Variants in FURIN observed in about 807,000 individuals in gnomAD.
FURIN encodes the protein furin, paired basic amino acid cleaving enzyme.
In FURIN, 18 loss-of-function variants were observed where a neutral mutation model predicts 89.2. The observed-to-expected ratio is 0.20, with a 90% confidence interval of 0.14 to 0.30. The LOEUF (loss-of-function observed/expected upper bound fraction) is 0.30. Ranked by LOEUF, FURIN falls within the 10% of genes least tolerant of loss-of-function variation. The pLI, the probability that FURIN is intolerant of heterozygous loss-of-function variation, is 1.00. For missense variants in FURIN, 879 were observed against 1,100.5 expected (o/e 0.80, Z 2.85); for synonymous variants, 508 against 466.4 (o/e 1.09, Z -1.15).
intron 13 of FURIN, 31 bp from the exon 14 acceptor site, chr15:90,880,660 G>T: frequency 6.3e-7 from 1 of 1,590,476 alleles, no homozygotes; most frequent in Non-Finnish European, 8.6e-7. Context: ...TCCCGCAGAG[G>T]CCTCAGGGCT....
Position 90,881,696 on chromosome 15 carries a change from G to A in FURIN, c.2203G>A (p.Val735Ile), listed in dbSNP as rs138586339. The A allele has an allele frequency of 3.0e-5, 47 of 1,590,632 alleles. No homozygotes were observed. Among genetic ancestry groups the A allele is most frequent in the Non-Finnish European group, 3.6e-5 (42 of 1,166,976 alleles). Residue 735 changes from valine (V) to isoleucine (I), a missense_variant, in exon 16 of 16, where the codon GTC becomes ATC. Coordinates refer to ENST00000268171, the MANE Select transcript of FURIN (RefSeq NM_002569.4). This position sits in a 1 kb window ranked among gnomAD's most constrained non-coding sequence, Gnocchi z 4.3. ...GCTGGTCTTCGTCACTGTCTTCCTG[G>A]TCCTGCAGCTGCGCTCTGGCTTTAG... is the stretch of plus-strand genomic sequence containing the variant. ...IVLVFVTVFL[V>I]LQLRSGFSFR...
chr15:90,881,627 C>A lies in FURIN; in HGVS notation c.2134C>A (p.His712Asn), dbSNP rs760368022. 6.3e-7 allele frequency: 1 copy of A among 1,596,314 alleles called. No homozygotes were observed. The change falls in exon 16 of 16, where the codon CAC becomes AAC. Residue 712 changes from histidine (H) to asparagine (N), a missense_variant. Physicochemically the swap from His to Asn is moderately conservative, Grantham distance 68. This residue lies in a region of FURIN where 457 missense variants were observed against 490.7 expected (regional missense o/e 0.93). Transcript: ENST00000268171. The surrounding 1 kb of genome is among the most constrained non-coding windows in gnomAD (Gnocchi z 4.3). ...GCTGCGGGCAGGGCTGCTGCCCTCA[C>A]ACCTGCCTGAGGTGGTGGCCGGCCT... The part of the protein sequence containing the change: ...QRLRAGLLPS[H>N]LPEVVAGLSC...
In FURIN at chr15:90,881,981, A is replaced by G; in HGVS notation, c.*103A>G. ...GGACTGGGTTTGGACCCCAGCTGGG[A>G]GGCAAGAGGGGTGGAGACTGCTTCC... On this transcript the variant is annotated 3_prime_UTR_variant, in exon 16 of 16. Transcript: ENST00000268171. The surrounding 1 kb of genome is among the most constrained non-coding windows in gnomAD (Gnocchi z 4.3). The G allele has an allele frequency of 1.2e-6, 1 of 847,976 alleles. No homozygotes were observed. Among genetic ancestry groups the G allele is most frequent in the Non-Finnish European group, 1.9e-6 (1 of 537,968 alleles). 52.5% of individuals were successfully genotyped at this position (847,976 alleles called of 1,614,324 possible). A position where few individuals can be genotyped will look rare whatever the true frequency, so the allele number is the denominator to read the frequency against.
chr15:90,879,639 T>G (rs774400645), intron 10 of FURIN, 32 bp from the exon 11 acceptor site: 1 of 1,594,856 alleles, frequency 6.3e-7, no homozygotes, highest in South Asian at 1.1e-5. Context: ...CAAAAAAGAC[T>G]GATCCCCAGC....
In FURIN at chr15:90,876,326, G is replaced by A. The variant is rs758873281; in HGVS notation, c.249G>A (p.Arg83=). The change falls in exon 3 of 16, where the codon CGG becomes CGA. Residue 83 remains arginine, a synonymous_variant. Transcript: ENST00000268171. This position sits in a 1 kb window ranked among gnomAD's most constrained non-coding sequence, Gnocchi z 5.0. ...GGTCCCTGTCGCCTCACCGCCCGCG[G>A]CACAGCCGGCTGCAGAGGGAGCCTC... ...TKRSLSPHRP[R]HSRLQREPQV... is the part of the protein sequence containing the mutation. 1 of 1,611,852 alleles carries A rather than the reference G, an allele frequency of 6.2e-7. No homozygotes were observed. The highest frequency in any genetic ancestry group is 8.5e-7 in the Non-Finnish European group (1 of 1,178,304).
rs2031921549 is a variant in FURIN, at chr15:90,880,830, TGAG to T, written c.1681+17_1681+19del. ...CAACAACTATGGTACTGGGGGCACT[TGAG>T]GGGTAGGGGTACGAGGTGGAGGGCT... On this transcript the variant is annotated intron_variant, in intron 14 of 15. Coordinates refer to ENST00000268171, the MANE Select transcript of FURIN (RefSeq NM_002569.4). 1.9e-6 allele frequency: 3 copies of T among 1,612,162 alleles called. No homozygotes were observed. The highest frequency in any genetic ancestry group is 2.5e-6 in the Non-Finnish European group (3 of 1,178,746).
At chr15:90,877,286 A>G in intron 6 of FURIN, 75 bp downstream of exon 6, 1 of 1,259,222 alleles carries the variant, frequency 7.9e-7, no homozygotes, top group Non-Finnish European at 1.1e-6. Flanking sequence ...AGCCTGGGTG[A>G]GATGTGCCTT....
In FURIN at chr15:90,877,401, T is replaced by C. The variant is rs57509730; in HGVS notation, c.579-126T>C. ...CACAGGCCCAGTGGAGTGTGGGAGA[T>C]GGGGGCTGGGTACTCAGGGGATGAT... On this transcript the variant is annotated intron_variant, in intron 6 of 15. Coordinates refer to ENST00000268171, the MANE Select transcript of FURIN (RefSeq NM_002569.4). 0.018 allele frequency: 16,285 copies of C among 899,486 alleles called. 1,519 individuals carry two copies. The African/African-American group carries it at 0.22, about 12-fold the overall frequency. 55.7% of individuals were successfully genotyped at this position (899,486 alleles called of 1,614,324 possible).
At position 90,882,146 on chromosome 15, in the gene FURIN, G is replaced by GGCCCCA. The variant is rs1256962390; in HGVS notation, c.*272_*277dup. The stretch of plus-strand genomic sequence containing the variant: ...CTTTAGGGCAGCTTGCCCCGGCCCC[G>GGCCCCA]GCCCCAGCCAGAGTTCCTGCGGAGT... On this transcript the variant is annotated 3_prime_UTR_variant, in exon 16 of 16. Transcript: ENST00000268171. The GGCCCCA allele has an allele frequency of 6.7e-6, 3 of 447,894 alleles. No homozygotes were observed. The highest frequency in any genetic ancestry group is 2.7e-5 in the South Asian group (1 of 37,660). 27.7% of individuals were successfully genotyped at this position (447,894 alleles called of 1,614,324 possible).
rs1389066837 is a variant in FURIN at position 90,875,736 on chromosome 15, C to A, written c.-5C>A. The A allele has an allele frequency of 1.3e-6, 2 of 1,536,278 alleles. No individual in the cohort carries two copies. On this transcript the variant is annotated 5_prime_UTR_variant, in exon 2 of 16. Coordinates refer to ENST00000268171, the MANE Select transcript of FURIN (RefSeq NM_002569.4). ...GCTCCAGGGTCCCAGCCACCTGTCCCCCCCATGGAGCTGAGGCCCTGGTTG... is the reference window on the plus strand; with the variant it reads ...GCTCCAGGGTCCCAGCCACCTGTCCACCCCATGGAGCTGAGGCCCTGGTTG...
In FURIN at chr15:90,881,166, G is replaced by T; in HGVS notation, c.1793-120G>T. The stretch of plus-strand genomic sequence containing the variant: ...CTAGGGCCCCTGGGGCTCTTGGGAT[G>T]ACCACAGTCCTGGGGCTGGAGGATC... On this transcript the variant is annotated intron_variant, in intron 15 of 15. Transcript: ENST00000268171. This position sits in a 1 kb window ranked among gnomAD's most constrained non-coding sequence, Gnocchi z 4.3. 1 of 1,094,394 alleles carries T rather than the reference G, an allele frequency of 9.1e-7. No homozygotes were observed. Among genetic ancestry groups the T allele is most frequent in the South Asian group, 1.4e-5 (1 of 71,198 alleles). The allele number at this position is 1,094,394 out of a possible 1,614,324, so 67.8% of individuals were successfully genotyped here.
At chr15:90,874,939 C>T (rs2031522037) in intron 1 of FURIN, among the ~76,000 whole-genome samples, 1 of 151,940 alleles carries the variant, frequency 6.6e-6, no homozygotes, top group African/African-American at 2.4e-5. Context: ...ATCTTCTTTA[C>T]CTTGATCATG....
At position 90,875,916 on chromosome 15, in the gene FURIN, AG is replaced by A; in HGVS notation, c.177+1del. 1 of 1,579,462 alleles carries A rather than the reference AG, an allele frequency of 6.3e-7. No individual in the cohort carries two copies. Among genetic ancestry groups the A allele is most frequent in the Non-Finnish European group, 8.6e-7 (1 of 1,163,508 alleles). On this transcript the variant is annotated frameshift_variant and splice_region_variant, in exon 2 of 16. Transcript: ENST00000268171. LOFTEE classifies it high-confidence loss of function. ...AAGCATGGGTTCCTCAACCTGGGCC[AG>A]GTAGGTGTTCCCCCACAGGACACTG... ...ARKHGFLNLG[Q>X]IFGDYYHFWH...
intron 1 of FURIN, among the ~76,000 whole-genome samples, chr15:90,875,029 C>CT (rs11343964): frequency 0.019 from 1,942 of 101,128 alleles, 63 homozygotes; most frequent in African/African-American, 0.061. Context: ...TTCTGTTACA[C>CT]TTTTTTTTTT....
intron 8 of FURIN, 112 bp downstream of exon 8, chr15:90,878,416 C>A: frequency 1.1e-6 from 1 of 929,344 alleles, no homozygotes; most frequent in Non-Finnish European, 1.6e-6. Flanking sequence ...TTACACAAAG[C>A]ATGTTTATTG....
At chr15:90,871,582 G>A (rs1436962981) in intron 1 of FURIN, 1 of 2,828 alleles carries the variant, frequency 3.5e-4, no homozygotes, top group South Asian at 0.056. Context: ...GCCTGGAAAA[G>A]TTTCCCCGCC....
chr15:90,881,872 C>T lies in FURIN; in HGVS notation c.2379C>T (p.Ala793=), dbSNP rs760371674. The change falls in exon 16 of 16, where the codon GCC becomes GCT. Residue 793 remains alanine, a synonymous_variant. Coordinates refer to ENST00000268171, the MANE Select transcript of FURIN (RefSeq NM_002569.4). This position sits in a 1 kb window ranked among gnomAD's most constrained non-coding sequence, Gnocchi z 4.3. ...ERTAFIKDQS[A]L is the part of the protein sequence containing the mutation. ...CCGCCTTTATCAAAGACCAGAGCGC[C>T]CTCTGATGAGCCCACTGCCCACCCC... 2 of 1,607,634 alleles carry T rather than the reference C, an allele frequency of 1.2e-6. No individual in the cohort carries two copies. Among genetic ancestry groups the T allele is most frequent in the Non-Finnish European group, 1.7e-6 (2 of 1,176,416 alleles).
intron 8 of FURIN, among the ~76,000 whole-genome samples, chr15:90,878,506 A>G (rs1252344505): frequency 6.6e-6 from 1 of 152,196 alleles, no homozygotes; most frequent in African/African-American, 2.4e-5. Context: ...TTTTTTAGAA[A>G]TGAGGTCTTG....
chr15:90,879,176 C>G (rs1474788956), intron 9 of FURIN, among the ~76,000 whole-genome samples, 200 bp downstream of exon 9: 1 of 152,214 alleles, frequency 6.6e-6, no homozygotes, highest in Non-Finnish European at 1.5e-5. Context: ...AAAGCCTAGA[C>G]TCTCTCTAAA....
Sources: gnomAD v4.1 joint callset for allele counts (sites outside exome capture counted in the v4.1 genomes callset) on GRCh38, gnomAD v4.1.1 for gene constraint, gnomAD v4.1.1 regional missense constraint, Gnocchi (gnomAD v3.1) non-coding constraint, MANE v1.5 for transcripts, NCBI Gene and HGNC (gene_info 2026-07-23, HGNC 2026-07-21) for gene names.